Variants in HERC1 observed in about 807,000 individuals in gnomAD.
HERC1 encodes the protein probable E3 ubiquitin-protein ligase HERC1.
In HERC1, 160 loss-of-function variants were observed where a neutral mutation model predicts 554.3. The ratio of observed to expected loss-of-function variants is 0.29; its 90% CI spans 0.25 to 0.33. The LOEUF (loss-of-function observed/expected upper bound fraction) is 0.33. Ranked by LOEUF, HERC1 falls within the 10% of genes least tolerant of loss-of-function variation. HERC1 has a pLI of 1.00. For synonymous variants in HERC1, 2,175 were observed against 2,131.7 expected (o/e 1.02, Z -0.56); for missense variants, 4,919 against 5,918.5 (o/e 0.83, Z 5.54).
At chr15:63,691,521 C>A (rs1324405484) in intron 31 of HERC1, among the ~76,000 whole-genome samples, 1 of 150,700 alleles carries the variant, frequency 6.6e-6, no homozygotes, top group Non-Finnish European at 1.5e-5. Context: ...AAATAGGATA[C>A]TGATACATAA....
intron 74 of HERC1, among the ~76,000 whole-genome samples, chr15:63,618,812 A>G (rs758573469): frequency 2.4e-4 from 36 of 152,330 alleles, no homozygotes; most frequent in South Asian, 2.1e-3. Context: ...TTATTGGTGT[A>G]TAAGAATGTT....
chr15:63,744,109 A>ACT (rs1423485938), intron 12 of HERC1, among the ~76,000 whole-genome samples: 7 of 68,310 alleles, frequency 1.0e-4, no homozygotes, highest in East Asian at 2.7e-3. Flanking sequence ...TCCCAAACAG[A>ACT]CTGTGTGTGT....
intron 26 of HERC1, among the ~76,000 whole-genome samples, chr15:63,698,018 A>C (rs1286926725): frequency 6.6e-6 from 1 of 152,104 alleles, no homozygotes; most frequent in East Asian, 1.9e-4. Flanking sequence ...AGTTTTGCTC[A>C]CTCATTTTAG....
intron 8 of HERC1, among the ~76,000 whole-genome samples, chr15:63,751,679 G>C (rs1039189906): frequency 6.6e-6 from 1 of 152,024 alleles, no homozygotes; most frequent in Non-Finnish European, 1.5e-5. Context: ...AAGTTTAATG[G>C]TAAAGAAAAC....
chr15:63,704,769 C>G (rs1383477146), intron 25 of HERC1, among the ~76,000 whole-genome samples: 2 of 136,238 alleles, frequency 1.5e-5, no homozygotes, highest in African/African-American at 5.6e-5. Flanking sequence ...GATGGAGTCT[C>G]GCTCTGTCGC....
In HERC1 at chr15:63,809,190, G is replaced by A. The variant is rs573219468; in HGVS notation, c.-27+24637C>T. Among the ~76,000 whole-genome samples the A allele has an allele frequency of 3.4e-4, 51 of 152,232 alleles. 1 individual carries two copies. Among genetic ancestry groups the A allele is most frequent in the Non-Finnish European group, 5.4e-4 (37 of 68,014 alleles). On this transcript the variant is annotated intron_variant, in intron 1 of 77. Coordinates refer to ENST00000443617, the MANE Select transcript of HERC1 (RefSeq NM_003922.4). ...GGAAGACACAATAGTATCAACCACT[G>A]ACTGGCTTCAAAGTTACCTTTAACC...
intron 1 of HERC1, among the ~76,000 whole-genome samples, chr15:63,779,046 A>T (rs749716464): frequency 1.3e-5 from 2 of 152,120 alleles, no homozygotes; most frequent in African/African-American, 2.4e-5. Flanking sequence ...AGAATGAATT[A>T]TAAAAGTGTT....
At position 63,641,647 on chromosome 15, in the gene HERC1, G is replaced by A. The variant is rs2069069016; in HGVS notation, c.11434-4C>T. The A allele has an allele frequency of 1.3e-6, 2 of 1,516,236 alleles. No homozygotes were observed. Among genetic ancestry groups the A allele is most frequent in the South Asian group, 1.2e-5 (1 of 80,426 alleles). The allele number at this position is 1,516,236 out of a possible 1,614,324, so 93.9% of individuals were successfully genotyped here. A position where few individuals can be genotyped will look rare whatever the true frequency, so the allele number is the denominator to read the frequency against. ...TACAATTCACGACCAAAACATCCTG[G>A]TTGAAAATAAATCATGCCACATAAT... is the stretch of plus-strand genomic sequence containing the variant. On this transcript the variant is annotated splice_region_variant and splice_polypyrimidine_tract_variant and intron_variant, in intron 59 of 77. Coordinates refer to ENST00000443617, the MANE Select transcript of HERC1 (RefSeq NM_003922.4).
chr15:63,745,752 G>T (rs945044066), intron 12 of HERC1, among the ~76,000 whole-genome samples: 2 of 152,156 alleles, frequency 1.3e-5, no homozygotes, highest in African/African-American at 4.8e-5. Flanking sequence ...TATGAAGGTG[G>T]TTTTTTCTGT....
In HERC1 at chr15:63,674,690, G is replaced by C; in HGVS notation, c.7498C>G (p.Gln2500Glu). 6.2e-7 allele frequency: 1 copy of C among 1,613,714 alleles called. No homozygotes were observed. The stretch of plus-strand genomic sequence containing the variant: ...AGCTGGACTGCTCTGATTTCTGACT[G>C]GGCTACATCATGGTTTTTGGACATG... ...EHMSKNHDVA[Q>E]SEIRAVQLSY... is the part of the protein sequence containing the mutation. The change falls in exon 38 of 78, where the codon CAG (glutamine) becomes GAG (glutamate). Residue 2500 changes from glutamine (Q) to glutamate (E), a missense_variant. Physicochemically the swap from Gln to Glu is conservative, Grantham distance 29. Transcript: ENST00000443617.
chr15:63,822,401 C>G (rs1396296448), intron 1 of HERC1, among the ~76,000 whole-genome samples: 1 of 152,150 alleles, frequency 6.6e-6, no homozygotes, highest in Non-Finnish European at 1.5e-5. Flanking sequence ...GCCTGACCAA[C>G]ATGGTGAACC....
chr15:63,742,955 T>C (rs980196665), intron 12 of HERC1, among the ~76,000 whole-genome samples: 1 of 152,186 alleles, frequency 6.6e-6, no homozygotes, highest in Non-Finnish European at 1.5e-5. Flanking sequence ...TTTCTTGCAA[T>C]GTTTTGGTCC....
rs192516147 is a variant in HERC1 at position 63,795,524 on chromosome 15, C to G, written c.-26-19875G>C. Among the ~76,000 whole-genome samples the G allele has an allele frequency of 1.7e-3, 266 of 152,148 alleles. 1 individual carries two copies. The highest frequency in any genetic ancestry group is 2.7e-3 in the Non-Finnish European group (182 of 68,010). On this transcript the variant is annotated intron_variant, in intron 1 of 77. Coordinates refer to ENST00000443617, the MANE Select transcript of HERC1 (RefSeq NM_003922.4). ...TTATTTTCAATCAAATAGAAAAGCT[C>G]TGATACAAAAGGTTCCTATTTTGAA...
In HERC1 at chr15:63,616,663, C is replaced by G; in HGVS notation, c.13708G>C (p.Ala4570Pro). ...TGCATTAAGTGTTCATCGAGGCAGG[C>G]AGAAGGGTTAAAAAGGAACCTGTAA... ...NRDRFLFNPS[A>P]CLDEHLMQFK... The change falls in exon 75 of 78, where the codon GCC (alanine) becomes CCC (proline). Residue 4570 changes from alanine to proline, a missense_variant. Ala to Pro is a conservative substitution (Grantham distance 27). Transcript: ENST00000443617. The G allele has an allele frequency of 6.2e-7, 1 of 1,613,606 alleles. No homozygotes were observed. The highest frequency in any genetic ancestry group is 8.5e-7 in the Non-Finnish European group (1 of 1,179,730).
At chr15:63,702,730 T>C (rs1252576844) in intron 25 of HERC1, among the ~76,000 whole-genome samples, 1 of 152,214 alleles carries the variant, frequency 6.6e-6, no homozygotes, top group Non-Finnish European at 1.5e-5. Context: ...AGTAAGTAGT[T>C]TATAAATGTT....
At chr15:63,804,323 C>G (rs191108548) in intron 1 of HERC1, among the ~76,000 whole-genome samples, 2 of 152,146 alleles carry the variant, frequency 1.3e-5, no homozygotes, top group African/African-American at 4.8e-5. Context: ...CAGTGGCTCA[C>G]GCCTGTAATC....
chr15:63,614,794 G>A (rs754050475), intron 76 of HERC1, among the ~76,000 whole-genome samples: 2 of 152,308 alleles, frequency 1.3e-5, no homozygotes, highest in East Asian at 1.9e-4. Flanking sequence ...TTACTTACCT[G>A]TCAGCACAGA....
At chr15:63,811,041 G>A (rs1231186442) in intron 1 of HERC1, among the ~76,000 whole-genome samples, 3 of 152,190 alleles carry the variant, frequency 2.0e-5, no homozygotes, top group Admixed American at 2.0e-4. Context: ...AAAAAAGGCT[G>A]GGGTTTACTC....
At chr15:63,662,115 A>T in intron 44 of HERC1, 94 bp from the exon 45 acceptor site, 3 of 1,210,140 alleles carry the variant, frequency 2.5e-6, no homozygotes, top group Non-Finnish European at 3.4e-6. Flanking sequence ...ACTTTATTAC[A>T]TATGCTAGAA....
Sources: allele counts gnomAD v4.1 joint callset (sites outside exome capture counted in the v4.1 genomes callset), GRCh38; gene constraint gnomAD v4.1.1; transcripts MANE v1.5; gene names NCBI Gene and HGNC (gene_info 2026-07-23, HGNC 2026-07-21).